SV2C: variants seen among roughly 807,000 people sequenced by gnomAD.
The protein encoded by SV2C is solute carrier family 22 member B3.
A neutral mutation model predicts 79.7 loss-of-function variants in SV2C; 49 were observed. The ratio of observed to expected loss-of-function variants is 0.61; its 90% confidence interval spans 0.49 to 0.78. The LOEUF (loss-of-function observed/expected upper bound fraction) is 0.78, where lower values mean the gene tolerates loss of function less well. Among genes scored for constraint, SV2C ranks in the 30% least tolerant of loss-of-function variants. SV2C has a pLI of 0.00. For missense variants in SV2C, 833 were observed against 912.9 expected (o/e 0.91, Z 1.13); for synonymous variants, 334 against 333.2 (o/e 1.00, Z -0.03).
intron 1 of SV2C, among the ~76,000 whole-genome samples, chr5:76,090,663 T>C (rs1439709609): frequency 6.6e-6 from 1 of 152,184 alleles, no homozygotes; most frequent in Non-Finnish European, 1.5e-5. Flanking sequence ...GCTGAACAAA[T>C]GGAACTTAAA....
rs151190831 is a variant in SV2C at position 76,238,984 on chromosome 5, G to A, written c.913+29097G>A. The stretch of plus-strand genomic sequence containing the variant: ...CTGCCCACTGCATTCACAGGTTTTC[G>A]ATGAATTTCATTATTTTCAGCCTGT... On this transcript the variant is annotated intron_variant, in intron 4 of 12. Coordinates refer to ENST00000502798, the MANE Select transcript of SV2C (RefSeq NM_014979.4). 2.0e-3 allele frequency among the ~76,000 whole-genome samples: 306 copies of A among 152,244 alleles called. 1 individual carries two copies. The highest frequency in any genetic ancestry group is 6.8e-3 in the African/African-American group (283 of 41,532).
the SV2C span, among the ~76,000 whole-genome samples, chr5:76,029,818 T>C: frequency 6.6e-6 from 1 of 152,328 alleles, no homozygotes; most frequent in Non-Finnish European, 1.5e-5. Flanking sequence ...ATGTTTACTT[T>C]GGAATAAAAA....
chr5:76,216,950 C>T (rs1261136109), intron 4 of SV2C, among the ~76,000 whole-genome samples: 2 of 152,212 alleles, frequency 1.3e-5, no homozygotes, highest in East Asian at 3.9e-4. Context: ...CATCATTTTC[C>T]CTTTTAAATT....
At chr5:75,985,506 C>G in the SV2C span, among the ~76,000 whole-genome samples, 1 of 152,066 alleles carries the variant, frequency 6.6e-6, no homozygotes, top group South Asian at 2.1e-4. Flanking sequence ...ATCCAGTGCT[C>G]TAATAAGCAC....
chr5:76,006,130 C>G, the SV2C span, among the ~76,000 whole-genome samples: 2 of 152,182 alleles, frequency 1.3e-5, no homozygotes, highest in Non-Finnish European at 1.5e-5. Context: ...TTTGACTTCT[C>G]TAGAGGACAG....
rs191459950 is a variant in SV2C at position 76,140,491 on chromosome 5, C to T, written c.580+8161C>T. Among the ~76,000 whole-genome samples, 202 of 152,204 alleles carry T rather than the reference C, an allele frequency of 1.3e-3. 4 individuals are homozygous for T. Among genetic ancestry groups the T allele is most frequent in the Non-Finnish European group, 1.9e-4 (13 of 68,024 alleles). ...GAGAGATAGCTGGGTCTGAAAACAACAGCTTCAAGTTTCTAAGATTCCCCT... is the reference window on the plus strand; with the variant it reads ...GAGAGATAGCTGGGTCTGAAAACAATAGCTTCAAGTTTCTAAGATTCCCCT... On this transcript the variant is annotated intron_variant, in intron 2 of 12. Coordinates refer to ENST00000502798, the MANE Select transcript of SV2C (RefSeq NM_014979.4).
At chr5:76,201,950 A>G (rs1045755439) in intron 3 of SV2C, among the ~76,000 whole-genome samples, 7 of 141,382 alleles carry the variant, frequency 5.0e-5, no homozygotes, top group Admixed American at 7.8e-5. Flanking sequence ...TGGGAGGCGG[A>G]GCTTGCAGTG....
the SV2C span, among the ~76,000 whole-genome samples, chr5:75,956,284 A>C: frequency 6.8e-6 from 1 of 147,110 alleles, no homozygotes; most frequent in Non-Finnish European, 1.5e-5. Context: ...TTCTCAGTAA[A>C]CTATCGCAAG....
chr5:75,920,835 G>C, the SV2C span: 1 of 763,548 alleles, frequency 1.3e-6, no homozygotes, highest in East Asian at 2.5e-5. Context: ...GCCCTGAATG[G>C]TCAGCTTGTC....
chr5:75,976,336 G>A, the SV2C span, among the ~76,000 whole-genome samples: 2 of 152,246 alleles, frequency 1.3e-5, no homozygotes, highest in South Asian at 2.1e-4. Flanking sequence ...AATAAGAAAT[G>A]TGGAGATCAT....
chr5:76,202,371 T>C (rs766179389), intron 3 of SV2C, among the ~76,000 whole-genome samples: 15 of 152,200 alleles, frequency 9.9e-5, no homozygotes, highest in African/African-American at 1.7e-4. Context: ...AATGAGGAAG[T>C]TGAAGTACAG....
rs76768527 is a variant in SV2C, at chr5:76,352,412, A to G, written c.2001-718A>G. ...GAGGTGGGACCTTTAAGAGGTAATT[A>G]GGTCATGAGAGCTCTGTCCTAATGA... On this transcript the variant is annotated intron_variant, in intron 12 of 12. Coordinates refer to the SV2C transcript ENST00000322285. Among the ~76,000 whole-genome samples, 1,404 of 152,334 alleles carry G rather than the reference A, an allele frequency of 9.2e-3. 43 individuals are homozygous for G. Among genetic ancestry groups the G allele is most frequent in the East Asian group, 0.076 (393 of 5,190 alleles).
At chr5:76,027,213 C>T in the SV2C span, among the ~76,000 whole-genome samples, 1 of 151,814 alleles carries the variant, frequency 6.6e-6, no homozygotes, top group Non-Finnish European at 1.5e-5. Context: ...AGGCGCCCAC[C>T]ACCACTCCCA....
At chr5:76,001,789 G>A in the SV2C span, among the ~76,000 whole-genome samples, 1 of 152,076 alleles carries the variant, frequency 6.6e-6, no homozygotes, top group African/African-American at 2.4e-5. Flanking sequence ...CCCCAGCCCA[G>A]TCATGAACCT....
the SV2C span, among the ~76,000 whole-genome samples, chr5:75,999,607 A>T: frequency 1.3e-5 from 2 of 151,850 alleles, no homozygotes; most frequent in African/African-American, 4.8e-5. Context: ...GCAGTGAAGC[A>T]AAATAATAAA....
the SV2C span, among the ~76,000 whole-genome samples, chr5:76,063,446 G>A: frequency 1.3e-5 from 2 of 152,182 alleles, no homozygotes; most frequent in African/African-American, 4.8e-5. Context: ...TGTCAGTGAA[G>A]GTGTCTGGCT....
At chr5:76,253,337 G>A (rs1215181907) in intron 4 of SV2C, among the ~76,000 whole-genome samples, 1 of 152,026 alleles carries the variant, frequency 6.6e-6, no homozygotes, top group Non-Finnish European at 1.5e-5. Flanking sequence ...TGTCGCCCAG[G>A]CTGGAGTGCA....
chr5:75,954,835 A>G, the SV2C span, among the ~76,000 whole-genome samples: 5 of 143,228 alleles, frequency 3.5e-5, no homozygotes, highest in African/African-American at 8.5e-5. Flanking sequence ...TCCAACTTAC[A>G]AGGGATGTGA....
At chr5:76,030,289 T>TTTTTTTTTTTTTTATTTA in the SV2C span, among the ~76,000 whole-genome samples, 42 of 117,906 alleles carry the variant, frequency 3.6e-4, no homozygotes, top group African/African-American at 1.6e-3. Flanking sequence ...TTTTTTTTTT[T>TTTTTTTTTTTTTTATTTA]TTTATTTATT....
Sources: gnomAD v4.1 joint callset for allele counts (sites outside exome capture counted in the v4.1 genomes callset) on GRCh38, gnomAD v4.1.1 for gene constraint, MANE v1.5 for transcripts, NCBI Gene and HGNC (gene_info 2026-07-23, HGNC 2026-07-21) for gene names.